The following AFG2A variants were observed in gnomAD, a reference collection of about 807,000 sequenced individuals.
AFG2A encodes the protein ATPase family gene 2 protein homolog A.
chr4:123,309,404 C>CT, the AFG2A span, among the ~76,000 whole-genome samples: 7 of 152,274 alleles, frequency 4.6e-5, no homozygotes, highest in East Asian at 1.2e-3. Flanking sequence ...CATCAGGCTT[C>CT]TTTTATAGGG....
chr4:123,155,575 G>A, the AFG2A span, among the ~76,000 whole-genome samples: 4 of 151,660 alleles, frequency 2.6e-5, no homozygotes, highest in Admixed American at 6.6e-5. Flanking sequence ...ATTTGGGGTC[G>A]GGGAACAAAA....
chr4:123,175,254 T>C, the AFG2A span, among the ~76,000 whole-genome samples: 56 of 152,212 alleles, frequency 3.7e-4, no homozygotes, highest in East Asian at 6.4e-3. Context: ...ATCTGCAGTG[T>C]CATAAGCAGA....
the AFG2A span, among the ~76,000 whole-genome samples, chr4:123,131,705 A>G: frequency 1.3e-5 from 2 of 152,138 alleles, no homozygotes; most frequent in African/African-American, 4.8e-5. Context: ...TATATACCAC[A>G]TCTTGTTATC....
the AFG2A span, chr4:123,315,928 A>G: frequency 6.6e-6 from 1 of 152,122 alleles, no homozygotes; most frequent in Non-Finnish European, 1.5e-5. Context: ...ACAGGTGCAC[A>G]CTGCCATGTC....
chr4:123,297,983 C>A, the AFG2A span, among the ~76,000 whole-genome samples: 2 of 150,540 alleles, frequency 1.3e-5, no homozygotes, highest in African/African-American at 5.0e-5. Flanking sequence ...CACCAACCAA[C>A]AATCGGCCTG....
chr4:123,130,794 T>C, the AFG2A span, among the ~76,000 whole-genome samples: 3 of 152,204 alleles, frequency 2.0e-5, no homozygotes, highest in Admixed American at 6.5e-5. Flanking sequence ...TACTGAATCA[T>C]AGGGTAATTA....
chr4:123,092,459 AG>A, the AFG2A span, among the ~76,000 whole-genome samples: 1 of 152,214 alleles, frequency 6.6e-6, no homozygotes, highest in African/African-American at 2.4e-5. Context: ...TTCTTGAAGT[AG>A]GATGTAAGGC....
chr4:123,169,455 C>T, the AFG2A span, among the ~76,000 whole-genome samples: 1 of 152,134 alleles, frequency 6.6e-6, no homozygotes, highest in Non-Finnish European at 1.5e-5. Flanking sequence ...TAGAGCCTGG[C>T]TATGCGCATT....
the AFG2A span, among the ~76,000 whole-genome samples, chr4:123,273,252 A>T: frequency 3.9e-5 from 6 of 152,180 alleles, no homozygotes; most frequent in Admixed American, 6.6e-5. Context: ...ACTGTACATT[A>T]TGCGTAGTAT....
chr4:123,242,744 C>G, the AFG2A span, among the ~76,000 whole-genome samples: 1 of 152,096 alleles, frequency 6.6e-6, no homozygotes, highest in Non-Finnish European at 1.5e-5. Context: ...CCAAAATTGA[C>G]AAATGGGATC....
the AFG2A span, among the ~76,000 whole-genome samples, chr4:123,240,805 A>G: frequency 3.9e-5 from 6 of 152,196 alleles, no homozygotes; most frequent in Non-Finnish European, 4.4e-5. Flanking sequence ...GGAGATAGAC[A>G]CACACAAAAA....
chr4:123,152,871 A>G, the AFG2A span, among the ~76,000 whole-genome samples: 1 of 152,250 alleles, frequency 6.6e-6, no homozygotes, highest in African/African-American at 2.4e-5. Flanking sequence ...TCTGATGGAT[A>G]AAATAATAAA....
chr4:123,076,973 T>TG, the AFG2A span, among the ~76,000 whole-genome samples: 1 of 138,206 alleles, frequency 7.2e-6, no homozygotes, highest in Admixed American at 7.2e-5. Context: ...TGTGTGTGTG[T>TG]GTGGTGGTGG....
chr4:122,927,812 T>G, the AFG2A span: 3 of 1,594,860 alleles, frequency 1.9e-6, no homozygotes, highest in Non-Finnish European at 2.6e-6. Flanking sequence ...ACATTGCAAA[T>G]CCAAGAATCT....
the AFG2A span, among the ~76,000 whole-genome samples, chr4:123,268,181 G>A: frequency 6.6e-6 from 1 of 152,090 alleles, no homozygotes; most frequent in Non-Finnish European, 1.5e-5. Context: ...AGCACAGGGA[G>A]GATAGACATA....
chr4:123,080,541 A>G, the AFG2A span, among the ~76,000 whole-genome samples: 11 of 152,038 alleles, frequency 7.2e-5, no homozygotes, highest in African/African-American at 2.2e-4. Context: ...TACTGGTGTT[A>G]GCATTCTCTT....
the AFG2A span, among the ~76,000 whole-genome samples, chr4:123,100,077 A>G: frequency 6.6e-6 from 1 of 151,920 alleles, no homozygotes; most frequent in Non-Finnish European, 1.5e-5. Flanking sequence ...TGGTTTTTCA[A>G]GACTGGAGAG....
At chr4:123,104,571 G>T in the AFG2A span, among the ~76,000 whole-genome samples, 3 of 152,260 alleles carry the variant, frequency 2.0e-5, no homozygotes, top group South Asian at 6.2e-4. Flanking sequence ...CAAAAGCTAG[G>T]CCTCTTTCAC....
chr4:123,109,308 CTCTA>C, the AFG2A span, among the ~76,000 whole-genome samples: 15 of 152,232 alleles, frequency 9.9e-5, no homozygotes, highest in East Asian at 2.5e-3. Context: ...AACTACTGTG[CTCTA>C]TGCCTGTGTT....
Sources: allele counts gnomAD v4.1 joint callset (sites outside exome capture counted in the v4.1 genomes callset), GRCh38; gene constraint gnomAD v4.1.1; transcripts MANE v1.5; gene names NCBI Gene and HGNC (gene_info 2026-07-23, HGNC 2026-07-21).